SORCS3: variants seen among roughly 807,000 people sequenced by gnomAD.
SORCS3 encodes the protein sortilin related VPS10 domain containing receptor 3.
Under a neutral mutation model 146.3 loss-of-function variants are expected in SORCS3, and 57 were observed. That is an observed-to-expected ratio of 0.39 (90% CI 0.31 to 0.49). SORCS3 has a LOEUF of 0.49. Among genes scored for constraint, SORCS3 ranks in the 20% least tolerant of loss-of-function variants. SORCS3 has a pLI of 0.92. For synonymous variants in SORCS3, 653 were observed against 618.5 expected (o/e 1.06, Z -0.83); for missense variants, 1,341 against 1,575.5 (o/e 0.85, Z 2.52).
chr10:104,936,653 C>T (rs534396173), intron 3 of SORCS3, among the ~76,000 whole-genome samples: 1 of 152,278 alleles, frequency 6.6e-6, no homozygotes, highest in South Asian at 2.1e-4. Flanking sequence ...CAGTCTTGAG[C>T]TTAAGAGCAC....
chr10:105,193,613 C>G (rs1458230666), intron 14 of SORCS3, among the ~76,000 whole-genome samples: 1 of 152,160 alleles, frequency 6.6e-6, no homozygotes, highest in Non-Finnish European at 1.5e-5. Context: ...TCCCTGTAGG[C>G]TATTTCTGCA....
chr10:104,977,091 AG>A (rs1313791030), intron 3 of SORCS3, among the ~76,000 whole-genome samples: 1 of 152,120 alleles, frequency 6.6e-6, no homozygotes, highest in Non-Finnish European at 1.5e-5. Flanking sequence ...GGTGCTTAAA[AG>A]ATGGACATCA....
At position 105,263,398 on chromosome 10, in the gene SORCS3, C is replaced by T. The variant is rs765415726; in HGVS notation, c.*24C>T. ...AATACCAGCAAGCCACGTGGTCAAC[C>T]ACCTTTCTGACTTTTTATTTTTGAT... On this transcript the variant is annotated 3_prime_UTR_variant, in exon 27 of 27. Transcript: ENST00000369701. 2.5e-6 allele frequency: 4 copies of T among 1,610,032 alleles called. No individual in the cohort carries two copies. The South Asian group carries it at 4.4e-5, about 18-fold the overall frequency.
At chr10:105,055,227 T>C (rs1042381175) in intron 5 of SORCS3, among the ~76,000 whole-genome samples, 5 of 152,196 alleles carry the variant, frequency 3.3e-5, no homozygotes, top group Non-Finnish European at 5.9e-5. Context: ...TCTCTTCAGA[T>C]TGGCATGACT....
chr10:105,029,559 G>A (rs1212428397), intron 4 of SORCS3, among the ~76,000 whole-genome samples: 16 of 152,170 alleles, frequency 1.1e-4, no homozygotes. Context: ...TTCAGCATTG[G>A]CAGTTAGAAT....
At chr10:104,720,535 C>T (rs897371258) in intron 1 of SORCS3, among the ~76,000 whole-genome samples, 2 of 152,184 alleles carry the variant, frequency 1.3e-5, no homozygotes, top group Non-Finnish European at 2.9e-5. Context: ...GTTCTAGATC[C>T]CTGAGGAATT....
At chr10:105,124,617 C>G (rs540710458) in intron 7 of SORCS3, among the ~76,000 whole-genome samples, 2 of 152,228 alleles carry the variant, frequency 1.3e-5, no homozygotes, top group Admixed American at 1.3e-4. Context: ...TCAGCTTTTC[C>G]CTCTCTGCAT....
chr10:105,182,021 G>T (rs17793683), intron 14 of SORCS3, among the ~76,000 whole-genome samples: 1,581 of 152,086 alleles, frequency 0.01, 14 homozygotes, highest in Non-Finnish European at 0.017. Context: ...GAACCAATTG[G>T]CTATGATTTA....
chr10:104,683,131 A>C (rs1040293570), intron 1 of SORCS3, among the ~76,000 whole-genome samples: 2 of 152,228 alleles, frequency 1.3e-5, no homozygotes, highest in Non-Finnish European at 2.9e-5. Context: ...GTGCATCCCC[A>C]GCCAACTTTA....
chr10:104,969,014 G>A (rs529253000), intron 3 of SORCS3, among the ~76,000 whole-genome samples: 1 of 152,216 alleles, frequency 6.6e-6, no homozygotes, highest in African/African-American at 2.4e-5. Flanking sequence ...TGAAATCCAT[G>A]TGTAACAAGA....
intron 13 of SORCS3, among the ~76,000 whole-genome samples, chr10:105,175,161 C>T (rs1049819268): frequency 3.9e-5 from 6 of 152,190 alleles, no homozygotes; most frequent in Non-Finnish European, 7.4e-5. Flanking sequence ...GATTCTCCTG[C>T]CTCAGCCTCC....
chr10:105,052,961 G>A (rs1341459155), intron 5 of SORCS3, among the ~76,000 whole-genome samples: 5 of 152,208 alleles, frequency 3.3e-5, no homozygotes, highest in Non-Finnish European at 5.9e-5. Flanking sequence ...ACTGGTTCCA[G>A]GCTTAAGCAA....
intron 20 of SORCS3, among the ~76,000 whole-genome samples, chr10:105,231,971 G>A (rs1241947675): frequency 6.6e-6 from 1 of 151,900 alleles, no homozygotes; most frequent in African/African-American, 2.4e-5. Flanking sequence ...TTCCTTTCTT[G>A]TAATATATTT....
intron 3 of SORCS3, among the ~76,000 whole-genome samples, chr10:104,952,255 G>GAAAAAAAAAAA (rs55880149): frequency 2.5e-5 from 1 of 40,622 alleles, no homozygotes; most frequent in Non-Finnish European, 4.3e-5. Flanking sequence ...ATGAATGTTT[G>GAAAAAAAAAAA]AAAAAAAAAA....
At position 105,036,305 on chromosome 10, in the gene SORCS3, C is replaced by T. The variant is rs530021894; in HGVS notation, c.955-6750C>T. Among the ~76,000 whole-genome samples, 3 of 152,254 alleles carry T rather than the reference C, an allele frequency of 2.0e-5. No individual in the cohort carries two copies. In the East Asian group the frequency reaches 5.8e-4, roughly 29 times the overall value. On this transcript the variant is annotated intron_variant, in intron 4 of 26. Transcript: ENST00000369701. ...CTTCCTTTGAGTTCTCAGTGGTCTT[C>T]TACCTCCGTTGGCACGAGCCTCACT...
intron 16 of SORCS3, among the ~76,000 whole-genome samples, chr10:105,208,384 G>A (rs1301802342): frequency 2.6e-5 from 4 of 151,082 alleles, no homozygotes; most frequent in Non-Finnish European, 5.9e-5. Context: ...AGATCCAGTG[G>A]TGTACTTGTA....
chr10:104,892,733 AT>A (rs910193126), intron 2 of SORCS3, among the ~76,000 whole-genome samples: 47 of 140,916 alleles, frequency 3.3e-4, no homozygotes, highest in African/African-American at 8.4e-4. Flanking sequence ...AAAAAAAAAA[AT>A]TTTTTTTTCT....
intron 1 of SORCS3, among the ~76,000 whole-genome samples, chr10:104,653,073 A>G (rs567163060): frequency 1.3e-5 from 2 of 152,350 alleles, no homozygotes; most frequent in South Asian, 4.1e-4. Flanking sequence ...CTGCAACAAA[A>G]TCTACTAGCA....
At chr10:104,665,046 C>A (rs1412106799) in intron 1 of SORCS3, 4 of 152,644 alleles carry the variant, frequency 2.6e-5, no homozygotes, top group African/African-American at 9.6e-5. Flanking sequence ...GGGAATAGAG[C>A]CTTCCAGCTG....
Sources: allele counts gnomAD v4.1 joint callset (sites outside exome capture counted in the v4.1 genomes callset), GRCh38; gene constraint gnomAD v4.1.1; transcripts MANE v1.5; gene names NCBI Gene and HGNC (gene_info 2026-07-23, HGNC 2026-07-21).